The following SCAPER variants were observed in gnomAD, a reference collection of about 807,000 sequenced individuals.
SCAPER encodes S phase cyclin A-associated protein in the endoplasmic reticulum.
SCAPER carries 98 observed loss-of-function variants against 182.2 expected under a neutral mutation model. That is an observed-to-expected ratio of 0.54 (90% CI 0.46 to 0.64). SCAPER has a LOEUF of 0.64. SCAPER is among the 30% of genes least tolerant of loss of function. The pLI, the probability that SCAPER is intolerant of heterozygous loss-of-function variation, is 0.00. For synonymous variants in SCAPER, 605 were observed against 564.6 expected, an observed-to-expected ratio of 1.07 and a Z score of -1.01; for missense variants, 1,432 against 1,690.0, an observed-to-expected ratio of 0.85 and a Z score of 2.68.
intron 1 of SCAPER, among the ~76,000 whole-genome samples, chr15:76,895,897 G>A (rs1025581728): frequency 5.9e-5 from 9 of 151,930 alleles, no homozygotes; most frequent in African/African-American, 9.7e-5. Flanking sequence ...AAAATTTGCC[G>A]GGCATGGTGG....
At chr15:76,447,928 C>T (rs1237014305) in intron 25 of SCAPER, among the ~76,000 whole-genome samples, 4 of 152,082 alleles carry the variant, frequency 2.6e-5, no homozygotes, top group Admixed American at 6.6e-5. Flanking sequence ...GGGAAGGTAA[C>T]CCCTGAGCTG....
At chr15:76,646,513 C>T (rs1022473567) in intron 21 of SCAPER, among the ~76,000 whole-genome samples, 8 of 152,186 alleles carry the variant, frequency 5.3e-5, no homozygotes, top group Non-Finnish European at 1.0e-4. Flanking sequence ...CAAACTGCAG[C>T]TCAATGGCAA....
chr15:76,598,229 G>C (rs1314697641), intron 22 of SCAPER, among the ~76,000 whole-genome samples: 1 of 122,012 alleles, frequency 8.2e-6, no homozygotes, highest in African/African-American at 2.5e-5. Flanking sequence ...TTAAAGAAAT[G>C]CAAATCAAAA....
At chr15:76,723,845 T>C (rs569587150) in intron 17 of SCAPER, among the ~76,000 whole-genome samples, 13 of 152,354 alleles carry the variant, frequency 8.5e-5, no homozygotes, top group Admixed American at 1.3e-4. Context: ...GGTTCCTGAA[T>C]ACAGCACACT....
intron 7 of SCAPER, among the ~76,000 whole-genome samples, chr15:76,797,930 CAAA>C (rs57473563): frequency 6.9e-6 from 1 of 144,262 alleles, no homozygotes; most frequent in Non-Finnish European, 1.5e-5. Context: ...ACTTTTCAAC[CAAA>C]AAAAAAAAAA....
chr15:76,512,199 G>T (rs2042104004), intron 23 of SCAPER, among the ~76,000 whole-genome samples: 1 of 151,386 alleles, frequency 6.6e-6, no homozygotes, highest in Non-Finnish European at 1.5e-5. Context: ...CATTATACAT[G>T]GTTTTAACTG....
rs539255810 is a variant in SCAPER, at chr15:76,465,272, G to C, written c.3078+5940C>G. 4.6e-5 allele frequency among the ~76,000 whole-genome samples: 7 copies of C among 152,206 alleles called. No individual in the cohort carries two copies. In the South Asian group the frequency reaches 1.5e-3, roughly 32 times the overall value. The stretch of plus-strand genomic sequence containing the variant: ...TGGTGCTTTCTGGTTCATAGAAGGC[G>C]CTTTCCAGCTGTGACCTCACCTGAC... On this transcript the variant is annotated intron_variant, in intron 25 of 31. Coordinates refer to ENST00000563290, the MANE Select transcript of SCAPER (RefSeq NM_020843.4).
chr15:76,506,529 C>A (rs1030928691), intron 23 of SCAPER, among the ~76,000 whole-genome samples: 3 of 151,854 alleles, frequency 2.0e-5, no homozygotes, highest in African/African-American at 7.3e-5. Flanking sequence ...ATGGGGGAAT[C>A]AACTATATAA....
chr15:76,860,341 A>G (rs1202636402), intron 3 of SCAPER, among the ~76,000 whole-genome samples: 1 of 152,200 alleles, frequency 6.6e-6, no homozygotes, highest in Non-Finnish European at 1.5e-5. Context: ...TGGAAAGATT[A>G]GCTGTTAAGA....
intron 20 of SCAPER, among the ~76,000 whole-genome samples, chr15:76,689,047 A>G (rs2058200564): frequency 1.3e-5 from 2 of 151,332 alleles, no homozygotes; most frequent in Admixed American, 1.3e-4. Flanking sequence ...ACAGGGTTTC[A>G]CCATGTTAGC....
chr15:76,806,959 G>C (rs2151548365), intron 5 of SCAPER, among the ~76,000 whole-genome samples: 1 of 152,218 alleles, frequency 6.6e-6, no homozygotes, highest in South Asian at 2.1e-4. Flanking sequence ...TAATTGGGGG[G>C]CAGGTGTCTT....
chr15:76,689,655 A>G (rs189105726), intron 20 of SCAPER, among the ~76,000 whole-genome samples: 172 of 151,982 alleles, frequency 1.1e-3, no homozygotes, highest in Non-Finnish European at 1.6e-3. Flanking sequence ...CACTCCTTAT[A>G]TCTAGGTCTT....
chr15:76,852,158 C>T (rs1207921508), intron 4 of SCAPER, among the ~76,000 whole-genome samples: 1 of 152,096 alleles, frequency 6.6e-6, no homozygotes, highest in Non-Finnish European at 1.5e-5. Context: ...AATATATATG[C>T]ACCCAACACA....
At chr15:76,787,272 CA>C (rs572740168) in intron 8 of SCAPER, among the ~76,000 whole-genome samples, 382 of 152,234 alleles carry the variant, frequency 2.5e-3, no homozygotes, top group Non-Finnish European at 2.9e-3. Context: ...ATTGATGGAA[CA>C]AAAAACATAT....
intron 23 of SCAPER, among the ~76,000 whole-genome samples, chr15:76,512,274 T>C (rs2042108556): frequency 6.6e-6 from 1 of 152,086 alleles, no homozygotes; most frequent in Non-Finnish European, 1.5e-5. Flanking sequence ...CTTGTTACTA[T>C]GTTTGCCTCA....
intron 29 of SCAPER, among the ~76,000 whole-genome samples, chr15:76,356,995 C>T (rs146186917): frequency 3.1e-4 from 47 of 152,240 alleles, no homozygotes; most frequent in Non-Finnish European, 2.4e-4. Context: ...AACCTTGTTC[C>T]TGGATGTGAT....
intron 23 of SCAPER, among the ~76,000 whole-genome samples, chr15:76,516,539 G>T (rs2144174421): frequency 6.6e-6 from 1 of 152,236 alleles, no homozygotes; most frequent in East Asian, 1.9e-4. Context: ...TAAAGGACAT[G>T]AACTCATCCT....
chr15:76,834,951 C>T (rs2068804071), intron 5 of SCAPER, among the ~76,000 whole-genome samples: 1 of 152,108 alleles, frequency 6.6e-6, no homozygotes, highest in African/African-American at 2.4e-5. Context: ...GACAGATTCA[C>T]AGCGGAATTC....
In SCAPER at chr15:76,774,924, A is replaced by C; in HGVS notation, c.966T>G (p.Ser322=). The stretch of plus-strand genomic sequence containing the variant: ...CTTTGGGATGAGATTCTATAGTATT[A>C]GAAGTTCCATCTCCAACAAATTGAC... ...QKGQFVGDGT[S]NTIESHPKDS... The change falls in exon 9 of 32, where the codon TCT becomes TCG. Residue 322 remains serine, a synonymous_variant. Coordinates refer to ENST00000563290, the MANE Select transcript of SCAPER (RefSeq NM_020843.4). The C allele has an allele frequency of 6.2e-7, 1 of 1,613,730 alleles. No homozygotes were observed. Among genetic ancestry groups the C allele is most frequent in the Non-Finnish European group, 8.5e-7 (1 of 1,179,716 alleles).
Sources: allele counts gnomAD v4.1 joint callset (sites outside exome capture counted in the v4.1 genomes callset), GRCh38; gene constraint gnomAD v4.1.1; transcripts MANE v1.5; gene names NCBI Gene and HGNC (gene_info 2026-07-23, HGNC 2026-07-21).